The following CREB5 variants were observed in gnomAD, a reference collection of about 807,000 sequenced individuals.
CREB5 encodes cAMP responsive element binding protein 5, also known as cyclic AMP-responsive element-binding protein 5.
Under a neutral mutation model 57.1 loss-of-function variants are expected in CREB5, and 19 were observed. The observed-to-expected ratio is 0.33, with a 90% CI of 0.23 to 0.49. The LOEUF (loss-of-function observed/expected upper bound fraction) is 0.49, where lower values mean the gene tolerates loss of function less well. Ranked by LOEUF, CREB5 falls within the 20% of genes least tolerant of loss-of-function variation. The pLI is 0.99. For synonymous variants in CREB5, 238 were observed against 238.3 expected (o/e 1.00, Z 0.01); for missense variants, 579 against 671.6 (o/e 0.86, Z 1.52).
intron 1 of CREB5, among the ~76,000 whole-genome samples, chr7:28,419,766 T>C (rs1788167682): frequency 6.6e-6 from 1 of 152,236 alleles, no homozygotes; most frequent in Non-Finnish European, 1.5e-5. Flanking sequence ...ATACATATTG[T>C]TGATTAAAAG....
intron 5 of CREB5, among the ~76,000 whole-genome samples, chr7:28,714,724 T>C (rs1184705949): frequency 6.6e-6 from 1 of 152,250 alleles, no homozygotes; most frequent in Non-Finnish European, 1.5e-5. Context: ...GTAAGCAGTA[T>C]GTTTATACAA....
chr7:28,594,616 G>C (rs1796634678), intron 5 of CREB5, among the ~76,000 whole-genome samples: 1 of 152,182 alleles, frequency 6.6e-6, no homozygotes, highest in Non-Finnish European at 1.5e-5. Context: ...GACACATCGT[G>C]TGCTTGGAGA....
chr7:28,692,534 C>T (rs750917186), intron 5 of CREB5, among the ~76,000 whole-genome samples: 2 of 152,220 alleles, frequency 1.3e-5, no homozygotes, highest in Non-Finnish European at 2.9e-5. Context: ...CACTCTTCTA[C>T]TTACTGGTTG....
At chr7:28,810,324 G>C (rs1809036573) in intron 9 of CREB5, among the ~76,000 whole-genome samples, 1 of 152,174 alleles carries the variant, frequency 6.6e-6, no homozygotes. Flanking sequence ...TCCAGAAGCT[G>C]AGAGAATGGC....
intron 5 of CREB5, among the ~76,000 whole-genome samples, chr7:28,690,331 C>G: frequency 6.6e-6 from 1 of 152,222 alleles, no homozygotes; most frequent in South Asian, 2.1e-4. Flanking sequence ...ACAGTGCCAG[C>G]TGTCCATGCC....
intron 2 of CREB5, among the ~76,000 whole-genome samples, chr7:28,491,786 T>C (rs1213814237): frequency 1.3e-5 from 2 of 152,168 alleles, no homozygotes; most frequent in African/African-American, 4.8e-5. Flanking sequence ...GTTGTGGCCA[T>C]GGTGTTTACT....
At chr7:28,390,406 TTAA>T (rs1787193516) in intron 1 of CREB5, among the ~76,000 whole-genome samples, 4 of 152,204 alleles carry the variant, frequency 2.6e-5, no homozygotes, top group African/African-American at 9.7e-5. Context: ...AAATAAACTG[TTAA>T]TAACCTTATT....
At chr7:28,685,354 T>A (rs533640287) in intron 5 of CREB5, among the ~76,000 whole-genome samples, 2 of 152,172 alleles carry the variant, frequency 1.3e-5, no homozygotes, top group Non-Finnish European at 2.9e-5. Flanking sequence ...TTCACAGCCC[T>A]TGGTGGCTCC....
At chr7:28,556,909 C>T (rs1177831879) in intron 4 of CREB5, among the ~76,000 whole-genome samples, 1 of 152,174 alleles carries the variant, frequency 6.6e-6, no homozygotes, top group Non-Finnish European at 1.5e-5. Context: ...CAGCTCTGGC[C>T]ACGTGCCCTC....
intron 1 of CREB5, among the ~76,000 whole-genome samples, chr7:28,299,927 C>T (rs747605269): frequency 5.9e-5 from 9 of 152,098 alleles, no homozygotes; most frequent in Non-Finnish European, 8.8e-5. Flanking sequence ...CAATCTATAC[C>T]ACTAAGATTT....
chr7:28,698,440 C>T (rs113887139), intron 5 of CREB5, among the ~76,000 whole-genome samples: 88 of 151,890 alleles, frequency 5.8e-4, no homozygotes, highest in African/African-American at 2.0e-3. Flanking sequence ...AAAATAACCC[C>T]ACGACTCAAA....
chr7:28,541,416 C>T (rs1013199748), intron 4 of CREB5, among the ~76,000 whole-genome samples: 1 of 152,110 alleles, frequency 6.6e-6, no homozygotes, highest in Admixed American at 6.5e-5. Flanking sequence ...ACCTGTAATC[C>T]CAGCACTTTG....
chr7:28,710,435 A>G lies in CREB5; in HGVS notation c.465-8318A>G, dbSNP rs77164731. 9.6e-3 allele frequency among the ~76,000 whole-genome samples: 1,459 copies of G among 152,346 alleles called. 34 individuals carry two copies. Among genetic ancestry groups the G allele is most frequent in the African/African-American group, 0.033 (1,370 of 41,566 alleles). On this transcript the variant is annotated intron_variant, in intron 5 of 10. Coordinates refer to ENST00000357727, the MANE Select transcript of CREB5 (RefSeq NM_182898.4). ...GCTACAGTAAACAGGTAGACATAAT[A>G]TCAGACTCATGAAGTTTATTGTCTA...
At chr7:28,800,581 TGTAA>T (rs1003581220) in intron 7 of CREB5, among the ~76,000 whole-genome samples, 1 of 152,238 alleles carries the variant, frequency 6.6e-6, no homozygotes, top group Admixed American at 6.5e-5. Flanking sequence ...GTAGGGGAAA[TGTAA>T]GTGTCAGTTC....
chr7:28,726,967 C>T (rs1409285563), intron 7 of CREB5, among the ~76,000 whole-genome samples: 1 of 151,956 alleles, frequency 6.6e-6, no homozygotes, highest in Non-Finnish European at 1.5e-5. Context: ...TAGAATTTTT[C>T]TGAGTAGTGA....
At chr7:28,643,458 C>T (rs1445394337) in intron 5 of CREB5, among the ~76,000 whole-genome samples, 1 of 152,146 alleles carries the variant, frequency 6.6e-6, no homozygotes, top group Non-Finnish European at 1.5e-5. Context: ...GCCCTGTTCC[C>T]ATAGTAACCT....
intron 1 of CREB5, among the ~76,000 whole-genome samples, chr7:28,333,798 G>A (rs1562661577): frequency 6.6e-6 from 1 of 152,120 alleles, no homozygotes; most frequent in Admixed American, 6.5e-5. Context: ...TTCATCTGCT[G>A]ATGAACACTT....
chr7:28,666,102 C>T (rs771121057), intron 5 of CREB5, among the ~76,000 whole-genome samples: 4 of 151,918 alleles, frequency 2.6e-5, no homozygotes, highest in Non-Finnish European at 2.9e-5. Context: ...TTATAAGGAG[C>T]GATTGCCAAA....
At chr7:28,315,193 G>A (rs1418729720) in intron 1 of CREB5, among the ~76,000 whole-genome samples, 1 of 152,166 alleles carries the variant, frequency 6.6e-6, no homozygotes, top group Non-Finnish European at 1.5e-5. Flanking sequence ...CTTCCTGTGG[G>A]CACAATTCAT....
Sources: gnomAD v4.1 joint callset for allele counts (sites outside exome capture counted in the v4.1 genomes callset) on GRCh38, gnomAD v4.1.1 for gene constraint, MANE v1.5 for transcripts, NCBI Gene and HGNC (gene_info 2026-07-23, HGNC 2026-07-21) for gene names.